CELF2: variants seen among roughly 807,000 people sequenced by gnomAD.
CELF2 encodes CUGBP Elav-like family member 2.
A neutral mutation model predicts 62.6 loss-of-function variants in CELF2; 8 were observed. That is an observed-to-expected ratio of 0.13 (90% confidence interval 0.07 to 0.23). CELF2 has a LOEUF of 0.23. CELF2 is among the 10% of genes least tolerant of loss of function. CELF2 has a pLI of 1.00. For missense variants in CELF2, 333 were observed against 671.0 expected, an observed-to-expected ratio of 0.50 and a Z score of 5.56; for synonymous variants, 258 against 250.0, an observed-to-expected ratio of 1.03 and a Z score of -0.30.
chr10:11,187,198 T>C (rs2075173001), intron 2 of CELF2, among the ~76,000 whole-genome samples: 1 of 152,226 alleles, frequency 6.6e-6, no homozygotes, highest in African/African-American at 2.4e-5. Context: ...TTGCCTTATG[T>C]ATTTTGAAGT....
At chr10:10,646,111 T>C in the CELF2 span, among the ~76,000 whole-genome samples, 1 of 152,208 alleles carries the variant, frequency 6.6e-6, no homozygotes, top group Admixed American at 6.5e-5. Context: ...AGGCAGTTAC[T>C]AGGCATGTGT....
At chr10:10,892,034 T>C (rs1319758243) in intron 1 of CELF2, among the ~76,000 whole-genome samples, 2 of 152,174 alleles carry the variant, frequency 1.3e-5, no homozygotes, top group African/African-American at 4.8e-5. Flanking sequence ...GACATAGACA[T>C]TCATCAAGTA....
At chr10:10,566,417 T>A in the CELF2 span, among the ~76,000 whole-genome samples, 4,194 of 96,734 alleles carry the variant, frequency 0.043, 142 homozygotes, top group African/African-American at 0.18. Flanking sequence ...TTTTTTTTTT[T>A]AATTTTTTTT....
At chr10:11,274,869 TTA>T (rs1405783205) in intron 7 of CELF2, among the ~76,000 whole-genome samples, 186 bp from the exon 8 acceptor site, 5 of 152,166 alleles carry the variant, frequency 3.3e-5, no homozygotes, top group South Asian at 2.1e-4. Context: ...TCCCCAGTGT[TTA>T]TGTTTCTTAA....
Position 11,257,147 on chromosome 10 carries a change from G to A in CELF2, c.404-591G>A, listed in dbSNP as rs1010989421. Among the ~76,000 whole-genome samples the A allele has an allele frequency of 3.9e-5, 6 of 152,164 alleles. No individual in the cohort carries two copies. In the East Asian group the frequency reaches 5.8e-4, roughly 15 times the overall value. ...GGTACTTTCCTAGCTCCCCAGAGAC[G>A]TAAGAATCTCTCTGATCTCTTATTC... On this transcript the variant is annotated intron_variant, in intron 4 of 12. Transcript: ENST00000633077.
intron 2 of CELF2, among the ~76,000 whole-genome samples, chr10:10,955,451 TTA>T (rs1564258449): frequency 6.6e-6 from 1 of 152,358 alleles, no homozygotes; most frequent in East Asian, 1.9e-4. Context: ...TTGCATATGG[TTA>T]TCTCAGAGCT....
Position 11,085,976 on chromosome 10 carries a change from T to C in CELF2, c.74+67813T>C, listed in dbSNP as rs144241494. On this transcript the variant is annotated intron_variant, in intron 1 of 12. Transcript: ENST00000633077. ...GAAAGCGACAGTACCAATAACAAGT[T>C]CATTGTGATGGATTTAATGAATTAA... 3.1e-3 allele frequency among the ~76,000 whole-genome samples: 472 copies of C among 152,290 alleles called. 2 individuals are homozygous for C. Among genetic ancestry groups the C allele is most frequent in the African/African-American group, 0.011 (447 of 41,560 alleles).
At chr10:10,851,370 T>C (rs145190033) in intron 1 of CELF2, among the ~76,000 whole-genome samples, 206 of 152,312 alleles carry the variant, frequency 1.4e-3, no homozygotes, top group East Asian at 5.0e-3. Flanking sequence ...CAACAAATGA[T>C]GATGGAACAA....
the CELF2 span, among the ~76,000 whole-genome samples, chr10:10,522,099 G>C: frequency 6.6e-6 from 1 of 152,150 alleles, no homozygotes; most frequent in African/African-American, 2.4e-5. Context: ...CACATCTACT[G>C]CACCCATGGC....
rs933959526 is a variant in CELF2 at position 11,333,565 on chromosome 10, A to C, written c.*4512A>C. The C allele has an allele frequency of 6.6e-6, 1 of 152,390 alleles. No homozygotes were observed. The highest frequency in any genetic ancestry group is 6.5e-5 in the Admixed American group (1 of 15,284). The allele number at this position is 152,390 out of a possible 1,614,324, so 9.4% of individuals were successfully genotyped here. ...TTAAAAAAAAAATAAAATTTTAAAA[A>C]AACCTGTAGTTTCATTACCTTTTTG... is the stretch of plus-strand genomic sequence containing the variant. On this transcript the variant is annotated 3_prime_UTR_variant, in exon 13 of 13. Coordinates refer to ENST00000633077, the MANE Select transcript of CELF2 (RefSeq NM_001326342.2).
At chr10:10,796,579 C>T (rs2054151159), upstream of CELF2, among the ~76,000 whole-genome samples, 1 of 152,240 alleles carries the variant, frequency 6.6e-6, no homozygotes. Context: ...CTTCCCCAGA[C>T]CTGAATCTCC....
At position 11,242,170 on chromosome 10, in the gene CELF2, G is replaced by T. The variant is rs78573328; in HGVS notation, c.355-6983G>T. On this transcript the variant is annotated intron_variant, in intron 3 of 12. Transcript: ENST00000633077. The surrounding 1 kb of genome is among the most constrained non-coding windows in gnomAD (Gnocchi z 4.8). ...TGCTAGCACGGCTGCTCTCTCCAGG[G>T]GTCAGGATGGGTTTAATAATGAGAT... 0.017 allele frequency among the ~76,000 whole-genome samples: 2,522 copies of T among 152,282 alleles called. 77 individuals are homozygous for T. The highest frequency in any genetic ancestry group is 0.058 in the African/African-American group (2,388 of 41,528).
At chr10:10,935,993 A>C (rs529600077) in intron 2 of CELF2, among the ~76,000 whole-genome samples, 1 of 143,278 alleles carries the variant, frequency 7.0e-6, no homozygotes, top group African/African-American at 3.0e-5. Context: ...CTCTACTAAA[A>C]ATACAAAAAA....
intron 7 of CELF2, among the ~76,000 whole-genome samples, chr10:11,274,687 A>G (rs2085290823): frequency 6.6e-6 from 1 of 152,230 alleles, no homozygotes. Flanking sequence ...CGGTGCTGGA[A>G]AGTAGAAGAG....
chr10:11,294,960 C>T (rs901408206), intron 9 of CELF2, among the ~76,000 whole-genome samples: 7 of 147,912 alleles, frequency 4.7e-5, no homozygotes, highest in Non-Finnish European at 9.0e-5. Context: ...TTTATTTTAG[C>T]TTTCCTATGG....
the CELF2 span, among the ~76,000 whole-genome samples, chr10:10,770,464 G>C: frequency 6.6e-6 from 1 of 152,036 alleles, no homozygotes; most frequent in Non-Finnish European, 1.5e-5. Context: ...GAAGCAGCTG[G>C]GGGAGAGGGT....
At chr10:10,600,101 A>G in the CELF2 span, among the ~76,000 whole-genome samples, 1 of 152,142 alleles carries the variant, frequency 6.6e-6, no homozygotes, top group African/African-American at 2.4e-5. Context: ...ATTACCAGTT[A>G]TTACCAGCTA....
At chr10:10,847,111 G>A in intron 1 of CELF2, among the ~76,000 whole-genome samples, 1 of 151,742 alleles carries the variant, frequency 6.6e-6, no homozygotes, top group South Asian at 2.1e-4. Context: ...TTTATTTGCA[G>A]GAAACACACA....
chr10:11,123,315 A>G (rs911854674), intron 1 of CELF2, among the ~76,000 whole-genome samples: 6 of 152,080 alleles, frequency 3.9e-5, no homozygotes, highest in African/African-American at 9.7e-5. Flanking sequence ...CCATGACACA[A>G]TCCTAGCTCA....
Sources: allele counts gnomAD v4.1 joint callset (sites outside exome capture counted in the v4.1 genomes callset), GRCh38; gene constraint gnomAD v4.1.1; non-coding constraint Gnocchi (gnomAD v3.1); transcripts MANE v1.5; gene names NCBI Gene and HGNC (gene_info 2026-07-23, HGNC 2026-07-21).